NFXL1: variants seen among roughly 807,000 people sequenced by gnomAD.
NFXL1 encodes the protein nuclear transcription factor, X-box binding like 1, also known as NF-X1-type zinc finger protein NFXL1.
A neutral mutation model predicts 123.3 loss-of-function variants in NFXL1; 66 were observed. That is an observed-to-expected ratio of 0.54 (90% CI 0.44 to 0.66). The LOEUF (loss-of-function observed/expected upper bound fraction) is 0.66. Among genes scored for constraint, NFXL1 ranks in the 30% least tolerant of loss-of-function variants. NFXL1 has a pLI of 0.00. For missense variants in NFXL1, 944 were observed against 1,125.6 expected (o/e 0.84, Z 2.31); for synonymous variants, 346 against 360.8 (o/e 0.96, Z 0.46).
At chr4:47,851,515 G>A (rs1403046840) in intron 21 of NFXL1, among the ~76,000 whole-genome samples, 1 of 152,054 alleles carries the variant, frequency 6.6e-6, no homozygotes, top group Non-Finnish European at 1.5e-5. Flanking sequence ...TTTCTCTAGA[G>A]TTAAATTTAT....
At chr4:47,913,725 G>A (rs933191514) in intron 2 of NFXL1, among the ~76,000 whole-genome samples, 1 of 151,750 alleles carries the variant, frequency 6.6e-6, no homozygotes, top group South Asian at 2.1e-4. Context: ...ATTCAAGTAG[G>A]CAAGAGTGGA....
chr4:47,862,393 T>C (rs1480867445), intron 19 of NFXL1, among the ~76,000 whole-genome samples: 1 of 152,184 alleles, frequency 6.6e-6, no homozygotes, highest in African/African-American at 2.4e-5. Context: ...CGTCACCATC[T>C]TCAAAATGCT....
intron 14 of NFXL1, among the ~76,000 whole-genome samples, 198 bp downstream of exon 14, chr4:47,885,299 AT>A (rs1309317607): frequency 6.6e-6 from 1 of 152,138 alleles, no homozygotes; most frequent in Non-Finnish European, 1.5e-5. Flanking sequence ...ATCACACTGT[AT>A]TTGCAAACAA....
intron 15 of NFXL1, among the ~76,000 whole-genome samples, chr4:47,883,999 CT>C (rs1736274290): frequency 6.6e-6 from 1 of 152,148 alleles, no homozygotes; most frequent in South Asian, 2.1e-4. Flanking sequence ...TTTCTTCTGT[CT>C]TCAGGGAGCT....
chr4:47,903,526 G>C (rs1398018041), intron 4 of NFXL1, among the ~76,000 whole-genome samples: 1 of 152,076 alleles, frequency 6.6e-6, no homozygotes, highest in Admixed American at 6.5e-5. Context: ...ATTATTATTA[G>C]TCAAACAGAT....
intron 19 of NFXL1, among the ~76,000 whole-genome samples, chr4:47,861,018 A>AT (rs34491160): frequency 0.69 from 99,737 of 144,994 alleles, 34,740 homozygotes; most frequent in South Asian, 0.75. Context: ...ACGTCAGGCT[A>AT]TTTTTTTTTT....
chr4:47,912,461 CTTTT>C (rs11344755), intron 2 of NFXL1, among the ~76,000 whole-genome samples: 4 of 117,866 alleles, frequency 3.4e-5, no homozygotes, highest in Admixed American at 8.8e-5. Flanking sequence ...TCTTTTCTTT[CTTTT>C]TTTTTTTTTT....
At chr4:47,892,691 C>T (rs186222372) in intron 11 of NFXL1, among the ~76,000 whole-genome samples, 111 of 152,224 alleles carry the variant, frequency 7.3e-4, no homozygotes, top group African/African-American at 2.6e-3. Flanking sequence ...AATATCAAGC[C>T]TCTGAAAGAA....
chr4:47,913,241 C>T (rs1306352460), intron 2 of NFXL1, among the ~76,000 whole-genome samples: 1 of 152,116 alleles, frequency 6.6e-6, no homozygotes, highest in African/African-American at 2.4e-5. Flanking sequence ...GGATTATTCC[C>T]TCGGCCCCAT....
chr4:47,910,919 T>G lies in NFXL1; in HGVS notation c.311A>C (p.Gln104Pro). 6.2e-7 allele frequency: 1 copy of G among 1,606,402 alleles called. No homozygotes were observed. The highest frequency in any genetic ancestry group is 8.5e-7 in the Non-Finnish European group (1 of 1,175,932). Residue 104 changes from glutamine to proline, a missense_variant, in exon 3 of 23, where the codon CAG (glutamine) becomes CCG (proline). Physicochemically the swap from Gln to Pro is moderately conservative, Grantham distance 76. This residue lies in a region of NFXL1 where 303 missense variants were observed against 292.1 expected (regional missense o/e 1.04). Transcript: ENST00000507489. ...TCCTTCTTCAGATGAAGAGCTAAACTGTTCTTCAACAAGTTTTCTGGCTGC... is the reference window on the plus strand; with the variant it reads ...TCCTTCTTCAGATGAAGAGCTAAACGGTTCTTCAACAAGTTTTCTGGCTGC... ...QAAARKLVEEQFSSSSEEGDE... is the reference protein window; with the variant it reads ...QAAARKLVEEPFSSSSEEGDE...
At chr4:47,866,330 C>A (rs112045568) in intron 18 of NFXL1, among the ~76,000 whole-genome samples, 6 of 152,298 alleles carry the variant, frequency 3.9e-5, no homozygotes, top group African/African-American at 1.4e-4. Flanking sequence ...AACTCCTCTC[C>A]TCTTCTCAGT....
intron 4 of NFXL1, among the ~76,000 whole-genome samples, chr4:47,903,756 T>C (rs1337707961): frequency 6.6e-6 from 1 of 152,146 alleles, no homozygotes; most frequent in Non-Finnish European, 1.5e-5. Flanking sequence ...TAAATAACAC[T>C]ACAAAAGAAT....
chr4:47,848,329 A>AG lies in NFXL1; in HGVS notation c.2569dup (p.Leu857ProfsTer5), dbSNP rs1279770571. The AG allele has an allele frequency of 6.3e-7, 1 of 1,597,178 alleles. No individual in the cohort carries two copies. Among genetic ancestry groups the AG allele is most frequent in the Non-Finnish European group, 8.5e-7 (1 of 1,171,540 alleles). ...CTTCAGTCTGTTTTCAAAAGCTTCT[A>AG]GTTCAGCCTAAATAAAAACAGCATC... is the stretch of plus-strand genomic sequence containing the variant. On this transcript the variant is annotated frameshift_variant, in exon 23 of 23. Transcript: ENST00000507489. LOFTEE classifies it high-confidence loss of function.
At position 47,884,383 on chromosome 4, in the gene NFXL1, C is replaced by G. The variant is rs774670828; in HGVS notation, c.1879G>C (p.Ala627Pro). ...QPSEPAFIQT[A>P]LPCPPCQVPI... is the part of the protein sequence containing the mutation. ...ACTTGACATGGAGGACACGGTAATG[C>G]AGTCTGAATAAATGCTGGCTCAGAA... Residue 627 changes from alanine (A) to proline (P), a missense_variant, in exon 15 of 23, where the codon GCA becomes CCA. By Grantham distance (27) the Ala-to-Pro change is conservative. Transcript: ENST00000507489. 2 of 1,609,352 alleles carry G rather than the reference C, an allele frequency of 1.2e-6. No homozygotes were observed. The highest frequency in any genetic ancestry group is 1.7e-6 in the Non-Finnish European group (2 of 1,176,434).
intron 4 of NFXL1, among the ~76,000 whole-genome samples, chr4:47,903,725 TTGGA>T (rs1242418452): frequency 6.6e-6 from 1 of 152,162 alleles, no homozygotes; most frequent in Non-Finnish European, 1.5e-5. Flanking sequence ...AAATTTCTTG[TTGGA>T]TGATTATTTC....
intron 5 of NFXL1, among the ~76,000 whole-genome samples, chr4:47,901,884 T>TA (rs1281182269): frequency 6.6e-6 from 1 of 152,138 alleles, no homozygotes; most frequent in Non-Finnish European, 1.5e-5. Flanking sequence ...TAAATGTTTT[T>TA]AAAAACTACA....
chr4:47,883,959 T>TC (rs1366105902), intron 15 of NFXL1, among the ~76,000 whole-genome samples: 1 of 152,204 alleles, frequency 6.6e-6, no homozygotes, highest in African/African-American at 2.4e-5. Context: ...CTTTAAATAT[T>TC]CCCCAAGTTT....
chr4:47,908,103 T>C (rs1023967644), intron 3 of NFXL1, among the ~76,000 whole-genome samples: 2 of 152,158 alleles, frequency 1.3e-5, no homozygotes, highest in African/African-American at 2.4e-5. Context: ...AAGGGAAAGG[T>C]GAAATACATC....
At chr4:47,912,817 C>T (rs1305916587) in intron 2 of NFXL1, among the ~76,000 whole-genome samples, 1 of 147,096 alleles carries the variant, frequency 6.8e-6, no homozygotes, top group Non-Finnish European at 1.5e-5. Flanking sequence ...CACGGTGAAA[C>T]CCCGTCTCTA....
Sources: gnomAD v4.1 joint callset for allele counts (sites outside exome capture counted in the v4.1 genomes callset) on GRCh38, gnomAD v4.1.1 for gene constraint, gnomAD v4.1.1 regional missense constraint, MANE v1.5 for transcripts, NCBI Gene and HGNC (gene_info 2026-07-23, HGNC 2026-07-21) for gene names.